Variants in PTPN1 observed in about 807,000 individuals in gnomAD.
The protein encoded by PTPN1 is tyrosine-protein phosphatase non-receptor type 1.
PTPN1 carries 12 observed loss-of-function variants against 59.9 expected under a neutral mutation model. The ratio of observed to expected loss-of-function variants is 0.20; its 90% CI spans 0.13 to 0.32. PTPN1 has a LOEUF of 0.32. Among genes scored for constraint, PTPN1 ranks in the 10% least tolerant of loss-of-function variants. The probability of loss-of-function intolerance (pLI) is 1.00; values close to 1 mark genes in which losing one functional copy is unlikely to be tolerated. For missense variants in PTPN1, 356 were observed against 549.2 expected, an observed-to-expected ratio of 0.65 and a Z score of 3.52; for synonymous variants, 178 against 203.6, an observed-to-expected ratio of 0.87 and a Z score of 1.07.
At chr20:50,526,326 C>T (rs2082575344) in intron 1 of PTPN1, among the ~76,000 whole-genome samples, 1 of 152,024 alleles carries the variant, frequency 6.6e-6, no homozygotes, top group Non-Finnish European at 1.5e-5. Flanking sequence ...AGTGATCCTC[C>T]CGCCTCGGGC....
At chr20:50,517,405 C>T (rs2082533305) in intron 1 of PTPN1, among the ~76,000 whole-genome samples, 1 of 152,082 alleles carries the variant, frequency 6.6e-6, no homozygotes, top group Non-Finnish European at 1.5e-5. Flanking sequence ...CAGGCATGTG[C>T]CATCACGCCC....
intron 1 of PTPN1, among the ~76,000 whole-genome samples, chr20:50,539,183 G>A (rs1601396556): frequency 6.6e-6 from 1 of 151,686 alleles, no homozygotes; most frequent in South Asian, 2.1e-4. Context: ...TTACAGTCAC[G>A]TGCCACCACC....
At chr20:50,510,737 G>T (rs2122712057) in intron 1 of PTPN1, 147 bp downstream of exon 1, 1 of 892,120 alleles carries the variant, frequency 1.1e-6, no homozygotes, top group East Asian at 3.3e-5. Flanking sequence ...GACGCACTGC[G>T]TCCCCCCACC....
intron 5 of PTPN1, among the ~76,000 whole-genome samples, chr20:50,576,541 C>G (rs951119539): frequency 1.3e-5 from 2 of 152,092 alleles, no homozygotes; most frequent in African/African-American, 4.8e-5. Context: ...GGAAAACTTG[C>G]ATTTGGCATG....
chr20:50,562,455 G>T (rs1463974325), intron 2 of PTPN1, among the ~76,000 whole-genome samples: 1 of 152,220 alleles, frequency 6.6e-6, no homozygotes, highest in Non-Finnish European at 1.5e-5. Context: ...TTCCCTGCCT[G>T]GTTTTGTGTG....
intron 1 of PTPN1, among the ~76,000 whole-genome samples, chr20:50,550,306 A>G (rs1044672611): frequency 5.3e-5 from 8 of 152,340 alleles, no homozygotes; most frequent in Middle Eastern, 3.4e-3. Context: ...GGGAGATCTT[A>G]GAAGATGTGA....
intron 8 of PTPN1, 87 bp from the exon 9 acceptor site, chr20:50,581,178 T>C (rs909129793): frequency 1.1e-5 from 17 of 1,498,480 alleles, no homozygotes; most frequent in Admixed American, 2.2e-5. Flanking sequence ...GGCTTGTTTT[T>C]TCCTAGAATT....
chr20:50,534,728 T>C (rs2082616174), intron 1 of PTPN1, among the ~76,000 whole-genome samples: 1 of 151,452 alleles, frequency 6.6e-6, no homozygotes, highest in African/African-American at 2.4e-5. Context: ...TTAATCCTTA[T>C]CCTTTTTTTT....
chr20:50,539,418 A>C (rs1426489514), intron 1 of PTPN1, among the ~76,000 whole-genome samples: 1 of 152,156 alleles, frequency 6.6e-6, no homozygotes, highest in Non-Finnish European at 1.5e-5. Flanking sequence ...GTGAATCAAC[A>C]GTACATATTC....
chr20:50,574,795 G>A, intron 5 of PTPN1, 141 bp downstream of exon 5: 1 of 1,102,198 alleles, frequency 9.1e-7, no homozygotes, highest in Non-Finnish European at 1.3e-6. Context: ...GCACTGTGGT[G>A]AGCGGAGCTT....
intron 1 of PTPN1, among the ~76,000 whole-genome samples, chr20:50,524,026 T>G (rs1389658026): frequency 6.6e-6 from 1 of 152,204 alleles, no homozygotes; most frequent in Non-Finnish European, 1.5e-5. Context: ...CCTCACACAA[T>G]GCATATGCAT....
At chr20:50,530,804 C>T (rs2082597654) in intron 1 of PTPN1, among the ~76,000 whole-genome samples, 1 of 152,076 alleles carries the variant, frequency 6.6e-6, no homozygotes, top group South Asian at 2.1e-4. Context: ...AATGATCCTC[C>T]TGCCTCAGCC....
chr20:50,513,013 CTT>C (rs2082513881), intron 1 of PTPN1, among the ~76,000 whole-genome samples: 1 of 152,134 alleles, frequency 6.6e-6, no homozygotes, highest in Non-Finnish European at 1.5e-5. Flanking sequence ...GTTATTCTAA[CTT>C]ATTTTCTGAT....
In PTPN1 at chr20:50,568,176, C is replaced by T. The variant is rs1456121717; in HGVS notation, c.256-204C>T. 2.6e-5 allele frequency among the ~76,000 whole-genome samples: 4 copies of T among 152,206 alleles called. No individual in the cohort carries two copies. Among genetic ancestry groups the T allele is most frequent in the South Asian group, 2.1e-4 (1 of 4,834 alleles). ...CAGCCCTGAACTGAGATGCGGAAAT[C>T]GCCTTTCGCTGCCTGGTAGAAAATG... On this transcript the variant is annotated intron_variant, in intron 3 of 9. Coordinates refer to ENST00000371621, the MANE Select transcript of PTPN1 (RefSeq NM_002827.4). This position sits in a 1 kb window ranked among gnomAD's most constrained non-coding sequence, Gnocchi z 5.6.
chr20:50,514,629 G>T (rs2082521245), intron 1 of PTPN1, among the ~76,000 whole-genome samples: 1 of 152,172 alleles, frequency 6.6e-6, no homozygotes, highest in South Asian at 2.1e-4. Flanking sequence ...GCCTCCTGAA[G>T]TTGGGATTGC....
intron 1 of PTPN1, among the ~76,000 whole-genome samples, chr20:50,536,340 G>A (rs1481948745): frequency 2.0e-5 from 3 of 152,192 alleles, no homozygotes; most frequent in Non-Finnish European, 4.4e-5. Flanking sequence ...GCCAGGCGGT[G>A]TGCTGATCAG....
At chr20:50,549,574 G>A (rs1488649112) in intron 1 of PTPN1, among the ~76,000 whole-genome samples, 2 of 152,112 alleles carry the variant, frequency 1.3e-5, no homozygotes, top group Admixed American at 6.5e-5. Flanking sequence ...TTTCAATGCT[G>A]ACCAGTTTTG....
intron 1 of PTPN1, among the ~76,000 whole-genome samples, chr20:50,545,476 C>T (rs777969683): frequency 7.9e-5 from 12 of 152,238 alleles, no homozygotes; most frequent in East Asian, 5.8e-4. Context: ...CCTAAATTAG[C>T]GCTATGTTAG....
intron 1 of PTPN1, among the ~76,000 whole-genome samples, chr20:50,532,112 G>A (rs533132385): frequency 6.6e-6 from 1 of 152,366 alleles, no homozygotes; most frequent in South Asian, 2.1e-4. Context: ...GCCAGTTGAA[G>A]AGGATGGATG....
Sources: allele counts gnomAD v4.1 joint callset (sites outside exome capture counted in the v4.1 genomes callset), GRCh38; gene constraint gnomAD v4.1.1; non-coding constraint Gnocchi (gnomAD v3.1); transcripts MANE v1.5; gene names NCBI Gene and HGNC (gene_info 2026-07-23, HGNC 2026-07-21).